The following PHKA1 variants were observed in gnomAD, a reference collection of about 807,000 sequenced individuals.
PHKA1 encodes phosphorylase b kinase regulatory subunit alpha, skeletal muscle isoform.
PHKA1 carries 60 observed loss-of-function variants against 110.2 expected under a neutral mutation model. That is an observed-to-expected ratio of 0.54 (90% confidence interval 0.44 to 0.68). The LOEUF is 0.68. Ranked by LOEUF, PHKA1 falls within the 30% of genes least tolerant of loss-of-function variation. The probability of loss-of-function intolerance (pLI) is 0.00; values close to 1 mark genes in which losing one functional copy is unlikely to be tolerated. For synonymous variants in PHKA1, 316 were observed against 333.6 expected (o/e 0.95, Z 0.58); for missense variants, 801 against 942.5 (o/e 0.85, Z 1.97).
intron 13 of PHKA1, among the ~76,000 whole-genome samples, chrX:72,649,014 G>A: frequency 8.9e-6 from 1 of 111,788 alleles, no homozygotes; most frequent in East Asian, 2.8e-4. Context: ...CTGTAGCCAG[G>A]CCTCAAAGTC....
At chrX:72,687,563 C>T (rs1468104844) in intron 4 of PHKA1, among the ~76,000 whole-genome samples, 1 of 110,967 alleles carries the variant, frequency 9.0e-6, no homozygotes, top group African/African-American at 3.3e-5. Flanking sequence ...TCTCACTGTT[C>T]TTTCAAGTTC....
chrX:72,589,786 A>G (rs2052490739), intron 29 of PHKA1, among the ~76,000 whole-genome samples: 1 of 107,288 alleles, frequency 9.3e-6, no homozygotes, highest in African/African-American at 3.3e-5. Context: ...TACTAATAAT[A>G]AACAGAGATC....
At chrX:72,618,615 A>G in intron 21 of PHKA1, 95 bp downstream of exon 21, 1 of 727,645 alleles carries the variant, frequency 1.4e-6, no homozygotes, top group Admixed American at 2.4e-5. Context: ...ATTCAATTCC[A>G]GATCAGCGAA....
At chrX:72,624,220 T>C (rs1217012809) in intron 17 of PHKA1, among the ~76,000 whole-genome samples, 1 of 112,048 alleles carries the variant, frequency 8.9e-6, no homozygotes, top group African/African-American at 3.2e-5. Flanking sequence ...TAGTAAATTC[T>C]TATAATTGTA....
chrX:72,691,903 T>G (rs1375534581), intron 4 of PHKA1, among the ~76,000 whole-genome samples: 1 of 112,233 alleles, frequency 8.9e-6, no homozygotes, highest in African/African-American at 3.2e-5. Flanking sequence ...CAATTTTAGA[T>G]ACTGGTGGCA....
intron 9 of PHKA1, among the ~76,000 whole-genome samples, chrX:72,657,233 C>A (rs888627501): frequency 2.7e-5 from 3 of 112,183 alleles, no homozygotes; most frequent in Non-Finnish European, 5.6e-5. Flanking sequence ...AAAGATTTTT[C>A]CCTTTGTAAT....
chrX:72,613,443 T>C (rs994407520), intron 21 of PHKA1, among the ~76,000 whole-genome samples: 1 of 110,363 alleles, frequency 9.1e-6, no homozygotes, highest in Non-Finnish European at 1.9e-5. Flanking sequence ...GAACAGGGTA[T>C]CTGGGGGAAC....
chrX:72,680,595 C>CAGGCA (rs2053836590), intron 5 of PHKA1, among the ~76,000 whole-genome samples: 1 of 108,928 alleles, frequency 9.2e-6, no homozygotes, highest in African/African-American at 3.5e-5. Context: ...GAAAGTTTTT[C>CAGGCA]GAGGGAGCCC....
intron 10 of PHKA1, 28 bp from the exon 11 acceptor site, chrX:72,653,558 A>G: frequency 9.6e-6 from 10 of 1,041,044 alleles, no homozygotes; most frequent in Non-Finnish European, 1.3e-5. Context: ...GCAGGAAAAA[A>G]AGACTTACAG....
At chrX:72,653,922 G>A (rs999625040) in intron 10 of PHKA1, among the ~76,000 whole-genome samples, 21 of 110,435 alleles carry the variant, frequency 1.9e-4, no homozygotes, top group African/African-American at 6.9e-4. Context: ...ATTTGAGGAT[G>A]TATTGTCTTA....
Position 72,581,129 on chromosome X carries a change from G to T in PHKA1, c.3545C>A (p.Ser1182Tyr). 1 of 1,200,069 alleles carries T rather than the reference G, an allele frequency of 8.3e-7. No homozygotes were observed. Among genetic ancestry groups the T allele is most frequent in the Non-Finnish European group, 1.1e-6 (1 of 884,878 alleles). ...GTCATACAGAAGAGTACAGATGCCA[G>T]ATGCGGGATCCTTTGCCAACATGGT... ...DDTMLAKDPA[S>Y]GICTLLYDSA... is the part of the protein sequence containing the mutation. The change falls in exon 32 of 32, where the codon TCT (serine) becomes TAT (tyrosine). Residue 1182 changes from serine to tyrosine, a missense_variant. Ser to Tyr is a moderately radical substitution (Grantham distance 144). This residue lies in a region of PHKA1 where 502 missense variants were observed against 519.2 expected (regional missense o/e 0.97). Transcript: ENST00000373542.
intron 14 of PHKA1, 73 bp downstream of exon 14, chrX:72,644,289 A>G: frequency 9.3e-7 from 1 of 1,070,621 alleles, no homozygotes; most frequent in Non-Finnish European, 1.3e-6. Context: ...ACAATCATGA[A>G]GAAGAAAAAA....
At position 72,662,218 on chromosome X, in the gene PHKA1, A is replaced by T. The variant is rs189034740; in HGVS notation, c.864+3933T>A. 2.7e-5 allele frequency among the ~76,000 whole-genome samples: 3 copies of T among 111,987 alleles called. No homozygotes were observed. In the Admixed American group the frequency reaches 2.8e-4, roughly 10 times the overall value. On this transcript the variant is annotated intron_variant, in intron 8 of 31. Coordinates refer to ENST00000373542, the MANE Select transcript of PHKA1 (RefSeq NM_002637.4). ...TGTGCACTTCCTATTTCTCATGACC[A>T]AAGCTGCTGCAGTACAGTGCCATCT...
At chrX:72,641,885 A>T (rs1556295502) in intron 14 of PHKA1, among the ~76,000 whole-genome samples, 2 of 111,498 alleles carry the variant, frequency 1.8e-5, no homozygotes. Flanking sequence ...CCCCAGGCAA[A>T]TCTATCCCCT....
chrX:72,672,702 G>A (rs2053722424), intron 6 of PHKA1, among the ~76,000 whole-genome samples: 1 of 111,863 alleles, frequency 8.9e-6, no homozygotes, highest in Non-Finnish European at 1.9e-5. Context: ...AAACATTCAA[G>A]TCATAGCAAT....
In PHKA1 at chrX:72,582,696, G is replaced by A; in HGVS notation, c.3298-98C>T. 13 of 581,329 alleles carry A rather than the reference G, an allele frequency of 2.2e-5. No homozygotes were observed. In the South Asian group the frequency reaches 2.9e-4, roughly 13 times the overall value. 47.9% of individuals were successfully genotyped at this position (581,329 alleles called of 1,213,427 possible). ...GGCAGTAAAAACACTGTAGCCATGAGCATTGATTCAGCCCCCTTCAAAATA... is the reference window on the plus strand; with the variant it reads ...GGCAGTAAAAACACTGTAGCCATGAACATTGATTCAGCCCCCTTCAAAATA... On this transcript the variant is annotated intron_variant, in intron 30 of 31. Coordinates refer to ENST00000373542, the MANE Select transcript of PHKA1 (RefSeq NM_002637.4).
chrX:72,594,320 G>T (rs2052562219), intron 28 of PHKA1, among the ~76,000 whole-genome samples: 1 of 109,380 alleles, frequency 9.1e-6, no homozygotes, highest in African/African-American at 3.3e-5. Context: ...GGAAAGAAAT[G>T]AAATAGAGAC....
intron 5 of PHKA1, among the ~76,000 whole-genome samples, chrX:72,680,489 T>C (rs1190220571): frequency 2.7e-5 from 3 of 112,821 alleles, no homozygotes; most frequent in African/African-American, 9.7e-5. Flanking sequence ...CTAAACCTAG[T>C]GAAAATATTT....
In PHKA1 at chrX:72,714,076, G is replaced by T. The variant is rs1255691074; in HGVS notation, c.-196C>A. On this transcript the variant is annotated 5_prime_UTR_variant, in exon 1 of 32. Coordinates refer to ENST00000373542, the MANE Select transcript of PHKA1 (RefSeq NM_002637.4). ...CTCTCCGGACTCCGGCGGCCTCAGG[G>T]GCCCACCACGCGCCAGCGCTAGCAC... is the stretch of plus-strand genomic sequence containing the variant. 1 of 453,691 alleles carries T rather than the reference G, an allele frequency of 2.2e-6. No individual in the cohort carries two copies. The highest frequency in any genetic ancestry group is 2.4e-5 in the African/African-American group (1 of 41,813). The allele number at this position is 453,691 out of a possible 1,213,427, so 37.4% of individuals were successfully genotyped here. A position where few individuals can be genotyped will look rare whatever the true frequency, so the allele number is the denominator to read the frequency against.
Sources: gnomAD v4.1 joint callset for allele counts (sites outside exome capture counted in the v4.1 genomes callset) on GRCh38, gnomAD v4.1.1 for gene constraint, gnomAD v4.1.1 regional missense constraint, MANE v1.5 for transcripts, NCBI Gene and HGNC (gene_info 2026-07-23, HGNC 2026-07-21) for gene names.